Variants in BTBD9 observed in about 807,000 individuals in gnomAD.
The protein encoded by BTBD9 is BTB domain containing 9.
A neutral mutation model predicts 64.3 loss-of-function variants in BTBD9; 49 were observed. That is an observed-to-expected ratio of 0.76 (90% CI 0.61 to 0.97). The LOEUF (loss-of-function observed/expected upper bound fraction) is 0.97, where lower values mean the gene tolerates loss of function less well. Among genes scored for constraint, BTBD9 ranks in the 50% least tolerant of loss-of-function variants. The pLI, the probability that BTBD9 is intolerant of heterozygous loss-of-function variation, is 0.00. For missense variants in BTBD9, 598 were observed against 762.1 expected (o/e 0.78, Z 2.53); for synonymous variants, 260 against 274.7 (o/e 0.95, Z 0.53).
At chr6:38,561,628 A>C (rs1775266838) in intron 6 of BTBD9, among the ~76,000 whole-genome samples, 1 of 152,154 alleles carries the variant, frequency 6.6e-6, no homozygotes, top group South Asian at 2.1e-4. Context: ...AAAAGAATGA[A>C]ATCATGTCCC....
intron 6 of BTBD9, among the ~76,000 whole-genome samples, chr6:38,371,038 T>C (rs2127604868): frequency 6.6e-6 from 1 of 152,336 alleles, no homozygotes; most frequent in East Asian, 1.9e-4. Flanking sequence ...TTCTCTGCTG[T>C]GATCCATTTT....
At chr6:38,473,592 C>T (rs1055657928) in intron 6 of BTBD9, among the ~76,000 whole-genome samples, 15 of 152,180 alleles carry the variant, frequency 9.9e-5, no homozygotes, top group Non-Finnish European at 1.9e-4. Context: ...GAGTACAAAT[C>T]CTAAGTACAC....
intron 7 of BTBD9, among the ~76,000 whole-genome samples, chr6:38,333,394 C>T (rs1196007704): frequency 1.3e-5 from 2 of 152,110 alleles, no homozygotes; most frequent in African/African-American, 4.8e-5. Flanking sequence ...GCAGTATTTT[C>T]ACTCTTCTGG....
intron 6 of BTBD9, among the ~76,000 whole-genome samples, chr6:38,371,830 C>A (rs922994567): frequency 2.6e-5 from 4 of 152,138 alleles, no homozygotes; most frequent in African/African-American, 9.7e-5. Context: ...ATATCAATAT[C>A]TAACCTATAA....
chr6:38,414,387 T>C (rs1470197331), intron 6 of BTBD9, among the ~76,000 whole-genome samples: 1 of 152,190 alleles, frequency 6.6e-6, no homozygotes, highest in African/African-American at 2.4e-5. Flanking sequence ...GCTCTCCCAA[T>C]AAATTTTACT....
intron 6 of BTBD9, among the ~76,000 whole-genome samples, chr6:38,419,586 G>C (rs989735170): frequency 1.3e-5 from 2 of 152,110 alleles, no homozygotes; most frequent in Non-Finnish European, 1.5e-5. Context: ...AAAATACTAA[G>C]GGAGCTGGGT....
chr6:38,431,288 A>G (rs1049593483), intron 6 of BTBD9, among the ~76,000 whole-genome samples: 4 of 152,034 alleles, frequency 2.6e-5, no homozygotes, highest in African/African-American at 9.7e-5. Flanking sequence ...GGTAATAGTA[A>G]TAATATTAAC....
At chr6:38,442,385 G>A (rs1356686250) in intron 6 of BTBD9, among the ~76,000 whole-genome samples, 1 of 152,064 alleles carries the variant, frequency 6.6e-6, no homozygotes, top group Non-Finnish European at 1.5e-5. Context: ...TACTCGGGAG[G>A]CTTGAACCTG....
In BTBD9 at chr6:38,598,123, T is replaced by G. The variant is rs1457237282; in HGVS notation, c.-27-2A>C. 3 of 1,598,404 alleles carry G rather than the reference T, an allele frequency of 1.9e-6. No homozygotes were observed. Among genetic ancestry groups the G allele is most frequent in the South Asian group, 2.2e-5 (2 of 88,984 alleles). On this transcript the variant is annotated splice_acceptor_variant, in intron 1 of 10. Coordinates refer to ENST00000481247, the MANE Select transcript of BTBD9 (RefSeq NM_001099272.2). LOFTEE classifies it low-confidence loss of function (5UTR_SPLICE). The stretch of plus-strand genomic sequence containing the variant: ...GTGGAATAGACGATAGTCGTTGTTC[T>G]ATCATATAAAGAAGGAATGAGAGTT...
intron 7 of BTBD9, among the ~76,000 whole-genome samples, chr6:38,306,349 T>C (rs569206793): frequency 8.0e-4 from 122 of 152,294 alleles, no homozygotes; most frequent in African/African-American, 2.8e-3. Context: ...TCCTTTGCCA[T>C]CCCTCACCTA....
chr6:38,605,032 A>C (rs1450156888), intron 1 of BTBD9, among the ~76,000 whole-genome samples: 1 of 151,964 alleles, frequency 6.6e-6, no homozygotes, highest in Non-Finnish European at 1.5e-5. Context: ...AATGAGAATA[A>C]AAATCAGCTT....
chr6:38,534,149 G>C (rs567409645), intron 6 of BTBD9, among the ~76,000 whole-genome samples: 1 of 151,778 alleles, frequency 6.6e-6, no homozygotes, highest in Non-Finnish European at 1.5e-5. Context: ...AAGAAAAAAA[G>C]AGAGAAGATA....
intron 6 of BTBD9, among the ~76,000 whole-genome samples, chr6:38,510,109 G>A (rs894035488): frequency 4.6e-5 from 7 of 152,196 alleles, no homozygotes; most frequent in African/African-American, 1.4e-4. Context: ...GATGCCATCA[G>A]TTTTCACATA....
intron 1 of BTBD9, among the ~76,000 whole-genome samples, chr6:38,634,673 T>C (rs1168854788): frequency 1.3e-5 from 2 of 152,102 alleles, no homozygotes; most frequent in African/African-American, 2.4e-5. Context: ...TTATTTTGTG[T>C]GTGTGTAAAA....
At chr6:38,429,723 A>AT (rs1174704223) in intron 6 of BTBD9, among the ~76,000 whole-genome samples, 3 of 151,948 alleles carry the variant, frequency 2.0e-5, no homozygotes, top group Non-Finnish European at 2.9e-5. Flanking sequence ...AGTGTTACGC[A>AT]TTTTTTCTCA....
chr6:38,576,467 C>T (rs1427896425), intron 6 of BTBD9, among the ~76,000 whole-genome samples: 3 of 152,178 alleles, frequency 2.0e-5, no homozygotes, highest in South Asian at 2.1e-4. Context: ...ATGTAGGCAA[C>T]GTTCTTTACT....
chr6:38,254,234 G>A (rs984393630), intron 9 of BTBD9, among the ~76,000 whole-genome samples: 1 of 151,658 alleles, frequency 6.6e-6, no homozygotes, highest in Non-Finnish European at 1.5e-5. Flanking sequence ...CACACTGACT[G>A]TCCCATGACT....
chr6:38,492,228 T>G (rs902342031), intron 6 of BTBD9, among the ~76,000 whole-genome samples: 1 of 152,152 alleles, frequency 6.6e-6, no homozygotes, highest in Non-Finnish European at 1.5e-5. Flanking sequence ...CAGCACCCCT[T>G]CAGGACTGCA....
chr6:38,540,205 A>G (rs1380845748), intron 6 of BTBD9, among the ~76,000 whole-genome samples: 1 of 152,216 alleles, frequency 6.6e-6, no homozygotes, highest in Non-Finnish European at 1.5e-5. Flanking sequence ...CTACTGTGCC[A>G]AAGTATCAAA....
Sources: gnomAD v4.1 joint callset for allele counts (sites outside exome capture counted in the v4.1 genomes callset) on GRCh38, gnomAD v4.1.1 for gene constraint, MANE v1.5 for transcripts, NCBI Gene and HGNC (gene_info 2026-07-23, HGNC 2026-07-21) for gene names.